SLC8A3: variants seen among roughly 807,000 people sequenced by gnomAD.
The protein encoded by SLC8A3 is sodium/calcium exchanger 3.
In SLC8A3, 37 loss-of-function variants were observed where a neutral mutation model predicts 65.4. The ratio of observed to expected loss-of-function variants is 0.57; its 90% CI spans 0.44 to 0.74. The LOEUF (loss-of-function observed/expected upper bound fraction) is 0.74. SLC8A3 is among the 30% of genes least tolerant of loss of function. The probability of loss-of-function intolerance (pLI) is 0.00; values close to 1 mark genes in which losing one functional copy is unlikely to be tolerated. For missense variants in SLC8A3, 1,112 were observed against 1,172.1 expected (o/e 0.95, Z 0.75); for synonymous variants, 461 against 444.5 (o/e 1.04, Z -0.47).
In SLC8A3 at chr14:70,116,774, C is replaced by G. The variant is rs563837628; in HGVS notation, c.1784+49865G>C. On this transcript the variant is annotated intron_variant, in intron 2 of 6. Transcript: ENST00000356921. ...GCACAGAAGGTTTAAAGGGGCACAG[C>G]CGAACCTCTGCCTTTAAAAACAAAT... 9.8e-5 allele frequency among the ~76,000 whole-genome samples: 15 copies of G among 152,304 alleles called. No homozygotes were observed. The East Asian group carries it at 2.9e-3, about 29-fold the overall frequency.
rs566988804 is a variant in SLC8A3, at chr14:70,099,845, T to C, written c.1785-38906A>G. Among the ~76,000 whole-genome samples the C allele has an allele frequency of 3.9e-5, 6 of 152,304 alleles. No individual in the cohort carries two copies. The South Asian group carries it at 6.2e-4, about 16-fold the overall frequency. On this transcript the variant is annotated intron_variant, in intron 2 of 6. Coordinates refer to ENST00000356921, the MANE Select transcript of SLC8A3 (RefSeq NM_182932.3). ...CACAAGTCGTTTAAAAAGCATCTGA[T>C]AATAAACTCCTAAAGCCAGAATCTG...
chr14:70,061,008 C>A, intron 2 of SLC8A3, 69 bp from the exon 3 acceptor site: 1 of 703,170 alleles, frequency 1.4e-6, no homozygotes, highest in Admixed American at 2.5e-5. Flanking sequence ...TGGAGCACAG[C>A]CTTTAAAATC....
intron 2 of SLC8A3, among the ~76,000 whole-genome samples, chr14:70,106,396 T>C (rs1892875743): frequency 6.6e-6 from 1 of 152,186 alleles, no homozygotes; most frequent in Non-Finnish European, 1.5e-5. Context: ...GTAAATTGGA[T>C]CTAAGTTTTA....
At chr14:70,175,741 T>C (rs934145386) in intron 1 of SLC8A3, among the ~76,000 whole-genome samples, 5 of 150,382 alleles carry the variant, frequency 3.3e-5, no homozygotes, top group African/African-American at 1.2e-4. Flanking sequence ...TTTTTTCTTT[T>C]TTTTTTTTTT....
rs1388869978 is a variant in SLC8A3 at position 70,045,893 on chromosome 14, C to T, written c.*54G>A. On this transcript the variant is annotated 3_prime_UTR_variant, in exon 7 of 7. Coordinates refer to ENST00000356921, the MANE Select transcript of SLC8A3 (RefSeq NM_182932.3). ...GGAGAGATCACTGGTGGGGAAGTGC[C>T]CTTCTCTTAGGAGAAGTCCTAGGCC... The T allele has an allele frequency of 6.8e-7, 1 of 1,479,384 alleles. No individual in the cohort carries two copies. The highest frequency in any genetic ancestry group is 2.3e-5 in the East Asian group (1 of 42,790). 91.6% of individuals were successfully genotyped at this position (1,479,384 alleles called of 1,614,324 possible). A position where few individuals can be genotyped will look rare whatever the true frequency, so the allele number is the denominator to read the frequency against.
At chr14:70,053,459 T>C (rs1887722368) in intron 3 of SLC8A3, among the ~76,000 whole-genome samples, 1 of 152,218 alleles carries the variant, frequency 6.6e-6, no homozygotes, top group Admixed American at 6.5e-5. Flanking sequence ...TTCCATACTC[T>C]TTTCCTTTAC....
chr14:70,171,212 A>T (rs1006478812), intron 1 of SLC8A3, among the ~76,000 whole-genome samples: 3 of 152,198 alleles, frequency 2.0e-5, no homozygotes, highest in Non-Finnish European at 2.9e-5. Flanking sequence ...AGAGCCAACC[A>T]ATCCCAAGAG....
At chr14:70,125,135 A>C (rs1359195939) in intron 2 of SLC8A3, among the ~76,000 whole-genome samples, 1 of 152,232 alleles carries the variant, frequency 6.6e-6, no homozygotes, top group Admixed American at 6.5e-5. Flanking sequence ...CCCATAGGAC[A>C]GGAGCAGTAG....
At position 70,060,662 on chromosome 14, in the gene SLC8A3, A is replaced by G. The variant is rs367820699; in HGVS notation, c.1888+174T>C. ...ATACCGAAACAGGGTGAGAGCGAGA[A>G]TACAGGAGGGAAAAGAATAAAAAAA... On this transcript the variant is annotated intron_variant, in intron 3 of 6. Coordinates refer to ENST00000356921, the MANE Select transcript of SLC8A3 (RefSeq NM_182932.3). 6.7e-6 allele frequency: 5 copies of G among 743,786 alleles called. No individual in the cohort carries two copies. The African/African-American group carries it at 6.8e-5, about 10-fold the overall frequency. 46.1% of individuals were successfully genotyped at this position (743,786 alleles called of 1,614,324 possible). A position where few individuals can be genotyped will look rare whatever the true frequency, so the allele number is the denominator to read the frequency against.
At chr14:70,181,673 G>T (rs1226638097) in intron 1 of SLC8A3, among the ~76,000 whole-genome samples, 2 of 152,136 alleles carry the variant, frequency 1.3e-5, no homozygotes, top group Non-Finnish European at 2.9e-5. Context: ...AAAGGGCAAG[G>T]AAACTGTAAA....
intron 2 of SLC8A3, among the ~76,000 whole-genome samples, chr14:70,075,139 G>A (rs1420038766): frequency 6.6e-6 from 1 of 152,034 alleles, no homozygotes; most frequent in African/African-American, 2.4e-5. Context: ...GTGTGTGTGT[G>A]CGCGCATGTG....
intron 1 of SLC8A3, among the ~76,000 whole-genome samples, chr14:70,174,651 G>GGTTTTTTTTTTTTTT (rs1555385182): frequency 1.1e-5 from 1 of 90,364 alleles, no homozygotes; most frequent in African/African-American, 4.9e-5. Context: ...GACCAAATCC[G>GGTTTTTTTTTTTTTT]TTTTTTTTTT....
At chr14:70,055,671 G>A (rs909016416) in intron 3 of SLC8A3, 3 of 741,842 alleles carry the variant, frequency 4.0e-6, no homozygotes, top group Non-Finnish European at 6.5e-6. Flanking sequence ...CAGTCCTTGG[G>A]AGAAATTGTC....
chr14:70,151,407 C>T (rs971233417), intron 2 of SLC8A3, among the ~76,000 whole-genome samples: 3 of 152,168 alleles, frequency 2.0e-5, no homozygotes, highest in African/African-American at 7.2e-5. Flanking sequence ...TTTCAACCCT[C>T]ATCTACTTGC....
At chr14:70,060,321 A>AC (rs926899864) in intron 3 of SLC8A3, 23 of 243,980 alleles carry the variant, frequency 9.4e-5, no homozygotes, top group East Asian at 3.3e-4. Flanking sequence ...CCCATCCCAG[A>AC]CCCCCCCACA....
intron 2 of SLC8A3, among the ~76,000 whole-genome samples, chr14:70,109,209 T>TC (rs1379628375): frequency 1.3e-5 from 2 of 149,948 alleles, no homozygotes; most frequent in African/African-American, 4.9e-5. Flanking sequence ...TTTTTTTTTT[T>TC]TCACTTTAAG....
intron 2 of SLC8A3, among the ~76,000 whole-genome samples, chr14:70,118,062 C>T (rs1893781204): frequency 6.6e-6 from 1 of 152,184 alleles, no homozygotes; most frequent in Admixed American, 6.5e-5. Context: ...AATACTTCTT[C>T]CTTCATGACT....
Position 70,167,181 on chromosome 14 carries a change from T to C in SLC8A3, c.1242A>G (p.Val414=), listed in dbSNP as rs143303033. The part of the protein sequence containing the change: ...SYQCLENCGA[V]LLTVVRKGGD... The stretch of plus-strand genomic sequence containing the variant: ...CCCCTTTCCTCACCACTGTCAGGAG[T>C]ACAGCCCCACAGTTCTCCAGGCACT... Residue 414 remains valine (V), a synonymous_variant, in exon 2 of 7, where the codon GTA becomes GTG. Coordinates refer to ENST00000356921, the MANE Select transcript of SLC8A3 (RefSeq NM_182932.3). 3 of 1,613,932 alleles carry C rather than the reference T, an allele frequency of 1.9e-6. No homozygotes were observed. The highest frequency in any genetic ancestry group is 2.5e-6 in the Non-Finnish European group (3 of 1,179,936).
intron 3 of SLC8A3, among the ~76,000 whole-genome samples, chr14:70,057,564 C>T (rs1475210402): frequency 6.6e-6 from 1 of 152,212 alleles, no homozygotes; most frequent in Non-Finnish European, 1.5e-5. Flanking sequence ...GGAATTCCAT[C>T]ATTCTCTGGT....
Sources: allele counts gnomAD v4.1 joint callset (sites outside exome capture counted in the v4.1 genomes callset), GRCh38; gene constraint gnomAD v4.1.1; transcripts MANE v1.5; gene names NCBI Gene and HGNC (gene_info 2026-07-23, HGNC 2026-07-21).